Variants in KIAA1328 observed in about 807,000 individuals in gnomAD.
KIAA1328 encodes the protein protein hinderin.
In KIAA1328, 52 loss-of-function variants were observed where a neutral mutation model predicts 68.1. The ratio of observed to expected loss-of-function variants is 0.76; its 90% CI spans 0.61 to 0.96. The LOEUF (loss-of-function observed/expected upper bound fraction) is 0.96, where lower values mean the gene tolerates loss of function less well. Among genes scored for constraint, KIAA1328 ranks in the 40% least tolerant of loss-of-function variants. KIAA1328 has a pLI of 0.00. For synonymous variants in KIAA1328, 232 were observed against 239.4 expected (o/e 0.97, Z 0.28); for missense variants, 641 against 677.6 (o/e 0.95, Z 0.60).
At chr18:37,039,499 T>G (rs184428) in intron 6 of KIAA1328, among the ~76,000 whole-genome samples, 139,750 of 151,762 alleles carry the variant, frequency 0.92, 65,457 homozygotes, top group East Asian at 1. Context: ...TGCACCCTCC[T>G]CATCCCAGGT....
chr18:37,031,940 G>A (rs576997258), intron 6 of KIAA1328, among the ~76,000 whole-genome samples: 20 of 152,268 alleles, frequency 1.3e-4, no homozygotes, highest in African/African-American at 4.6e-4. Context: ...GCTGAGGCGG[G>A]TGGATCGCTT....
chr18:37,041,640 TTGTGTGTG>T (rs56237948), intron 6 of KIAA1328, among the ~76,000 whole-genome samples: 84,859 of 146,804 alleles, frequency 0.58, 25,971 homozygotes, highest in East Asian at 0.81. Flanking sequence ...TTTTTTGTGT[TTGTGTGTG>T]TGTGTGTGTG....
intron 1 of KIAA1328, among the ~76,000 whole-genome samples, chr18:36,829,676 C>T (rs181161153): frequency 9.9e-5 from 15 of 152,172 alleles, no homozygotes; most frequent in African/African-American, 2.9e-4. Context: ...CTTAAAAGGC[C>T]CTCCAGTGAT....
At chr18:37,018,098 C>G (rs918575751) in intron 6 of KIAA1328, among the ~76,000 whole-genome samples, 20 of 152,166 alleles carry the variant, frequency 1.3e-4, no homozygotes, top group Non-Finnish European at 2.9e-4. Context: ...TCACAGGTAT[C>G]ATTTTTTGTT....
chr18:37,138,957 T>TTTC (rs2058705633), intron 7 of KIAA1328, among the ~76,000 whole-genome samples: 1 of 133,506 alleles, frequency 7.5e-6, no homozygotes, highest in Non-Finnish European at 1.6e-5. Flanking sequence ...TCTTTTTTTT[T>TTTC]TTTTTTTTTT....
chr18:37,028,759 C>G (rs747749847), intron 6 of KIAA1328, among the ~76,000 whole-genome samples: 18 of 152,002 alleles, frequency 1.2e-4, no homozygotes, highest in Non-Finnish European at 2.5e-4. Flanking sequence ...AAAATCTTTT[C>G]TGTGTCTAAT....
chr18:37,165,447 C>T (rs1248449589), intron 8 of KIAA1328, among the ~76,000 whole-genome samples: 2 of 151,656 alleles, frequency 1.3e-5, no homozygotes, highest in African/African-American at 4.8e-5. Context: ...GAGAAGCAGT[C>T]TTGCCCTTGT....
chr18:37,025,441 C>T (rs1201918334), intron 6 of KIAA1328, among the ~76,000 whole-genome samples: 1 of 152,196 alleles, frequency 6.6e-6, no homozygotes, highest in Non-Finnish European at 1.5e-5. Context: ...CATCACATTG[C>T]ACTTATTCCA....
At chr18:37,136,063 A>G (rs534251448) in intron 7 of KIAA1328, among the ~76,000 whole-genome samples, 1 of 152,260 alleles carries the variant, frequency 6.6e-6, no homozygotes, top group East Asian at 1.9e-4. Flanking sequence ...ACCTTATAGT[A>G]TAGTTTGAAG....
intron 6 of KIAA1328, among the ~76,000 whole-genome samples, chr18:37,024,797 T>C (rs965141378): frequency 1.3e-5 from 2 of 152,146 alleles, no homozygotes; most frequent in African/African-American, 2.4e-5. Flanking sequence ...TTTCGGTTGG[T>C]TCCAAGTCTT....
chr18:37,051,527 C>T (rs915973864), intron 6 of KIAA1328, among the ~76,000 whole-genome samples: 1 of 152,050 alleles, frequency 6.6e-6, no homozygotes, highest in Non-Finnish European at 1.5e-5. Flanking sequence ...CTAAACAGAC[C>T]AAATAACGAG....
intron 6 of KIAA1328, among the ~76,000 whole-genome samples, chr18:36,994,301 T>C (rs978784084): frequency 2.6e-5 from 4 of 152,238 alleles, no homozygotes; most frequent in African/African-American, 9.6e-5. Context: ...GTTGAATGAA[T>C]GCAATTATAT....
chr18:36,843,276 A>C (rs1055948951), intron 3 of KIAA1328, among the ~76,000 whole-genome samples: 1 of 151,760 alleles, frequency 6.6e-6, no homozygotes. Context: ...TCTTTTCTCC[A>C]TTTTTTTCCC....
At chr18:37,111,137 A>G (rs1003212871) in intron 7 of KIAA1328, among the ~76,000 whole-genome samples, 10 of 152,164 alleles carry the variant, frequency 6.6e-5, no homozygotes, top group African/African-American at 2.2e-4. Context: ...GATATATATT[A>G]TAAGATATAT....
intron 7 of KIAA1328, among the ~76,000 whole-genome samples, chr18:37,110,858 G>A (rs1178644264): frequency 6.6e-6 from 1 of 152,184 alleles, no homozygotes; most frequent in Non-Finnish European, 1.5e-5. Flanking sequence ...ATATGAAAGA[G>A]TGCTAATTTT....
At chr18:37,102,043 C>T (rs1212519220) in intron 7 of KIAA1328, among the ~76,000 whole-genome samples, 3 of 152,116 alleles carry the variant, frequency 2.0e-5, no homozygotes, top group Non-Finnish European at 4.4e-5. Context: ...CCAGATGAAG[C>T]TACAACAGAA....
At chr18:37,127,062 G>C (rs1294427225) in intron 7 of KIAA1328, among the ~76,000 whole-genome samples, 2 of 152,068 alleles carry the variant, frequency 1.3e-5, no homozygotes, top group Non-Finnish European at 2.9e-5. Flanking sequence ...ATTCGGCATT[G>C]CACTAAAAGG....
chr18:36,895,757 A>AG (rs2048847660), intron 5 of KIAA1328: 1 of 456,158 alleles, frequency 2.2e-6, no homozygotes, highest in Non-Finnish European at 4.4e-6. Flanking sequence ...AGCTGAAGAT[A>AG]GGGTTTTTAG....
rs969161971 is a variant in KIAA1328, at chr18:37,030,167, CATTT to C, written c.577-36722_577-36719del. Among the ~76,000 whole-genome samples, 603 of 151,656 alleles carry C rather than the reference CATTT, an allele frequency of 4.0e-3. 5 individuals carry two copies. The highest frequency in any genetic ancestry group is 0.014 in the African/African-American group (572 of 41,410). ...TTTCTCTGTTGTTTCTTTTCTGTTTCATTTGTTTCTGCCCTTATGTTTATTTTTC... is the reference window on the plus strand; with the variant it reads ...TTTCTCTGTTGTTTCTTTTCTGTTTCGTTTCTGCCCTTATGTTTATTTTTC... On this transcript the variant is annotated intron_variant, in intron 6 of 9. Coordinates refer to ENST00000280020, the MANE Select transcript of KIAA1328 (RefSeq NM_020776.3).
Sources: allele counts gnomAD v4.1 joint callset (sites outside exome capture counted in the v4.1 genomes callset), GRCh38; gene constraint gnomAD v4.1.1; transcripts MANE v1.5; gene names NCBI Gene and HGNC (gene_info 2026-07-23, HGNC 2026-07-21).